The following IMMP2L variants were observed in gnomAD, a reference collection of about 807,000 sequenced individuals.
The protein encoded by IMMP2L is inner mitochondrial membrane peptidase subunit 2.
A neutral mutation model predicts 19.3 loss-of-function variants in IMMP2L; 18 were observed. The observed-to-expected ratio is 0.93, with a 90% CI of 0.64 to 1.38. IMMP2L has a LOEUF of 1.38. IMMP2L is among the 40% of genes most tolerant of loss of function. The pLI, the probability that IMMP2L is intolerant of heterozygous loss-of-function variation, is 0.00. For synonymous variants in IMMP2L, 76 were observed against 73.0 expected, an observed-to-expected ratio of 1.04 and a Z score of -0.21; for missense variants, 233 against 218.2, an observed-to-expected ratio of 1.07 and a Z score of -0.43.
intron 5 of IMMP2L, among the ~76,000 whole-genome samples, chr7:110,737,547 T>G (rs1026322970): frequency 4.6e-5 from 7 of 152,140 alleles, no homozygotes; most frequent in African/African-American, 1.7e-4. Flanking sequence ...AGCTCAGACA[T>G]GCCTGTCTCT....
chr7:110,850,736 G>C (rs1806128650), intron 5 of IMMP2L, among the ~76,000 whole-genome samples: 1 of 151,180 alleles, frequency 6.6e-6, no homozygotes, highest in South Asian at 2.1e-4. Flanking sequence ...ATACTCAAAA[G>C]TCAGGAACTA....
chr7:110,734,036 C>CA (rs1796453759), intron 5 of IMMP2L, among the ~76,000 whole-genome samples: 1 of 152,110 alleles, frequency 6.6e-6, no homozygotes, highest in Non-Finnish European at 1.5e-5. Flanking sequence ...CAAAAATTTG[C>CA]ACCAGAAATG....
At chr7:111,132,701 C>A (rs1179200708) in intron 3 of IMMP2L, among the ~76,000 whole-genome samples, 2 of 151,892 alleles carry the variant, frequency 1.3e-5, no homozygotes, top group African/African-American at 4.8e-5. Context: ...GTTTAGATGA[C>A]AGGGATTGCA....
chr7:111,067,353 C>T (rs1246768958), intron 3 of IMMP2L, among the ~76,000 whole-genome samples: 2 of 152,158 alleles, frequency 1.3e-5, no homozygotes, highest in African/African-American at 2.4e-5. Context: ...GGAAGCTGAC[C>T]TATATGGATG....
At chr7:110,769,943 T>A (rs1312460740) in intron 5 of IMMP2L, among the ~76,000 whole-genome samples, 1 of 152,100 alleles carries the variant, frequency 6.6e-6, no homozygotes, top group East Asian at 1.9e-4. Flanking sequence ...ACCAACGGGT[T>A]GACTATCCGA....
intron 3 of IMMP2L, among the ~76,000 whole-genome samples, chr7:111,321,396 C>T (rs1824697647): frequency 6.6e-6 from 1 of 151,898 alleles, no homozygotes; most frequent in African/African-American, 2.4e-5. Flanking sequence ...GAAAAATCTC[C>T]ATCCATTTTG....
intron 3 of IMMP2L, among the ~76,000 whole-genome samples, chr7:111,042,871 A>G (rs892761680): frequency 6.6e-6 from 1 of 152,198 alleles, no homozygotes; most frequent in African/African-American, 2.4e-5. Flanking sequence ...TAAGAAGGCT[A>G]TATGTCTTGA....
intron 3 of IMMP2L, among the ~76,000 whole-genome samples, chr7:111,382,736 C>G (rs1831324669): frequency 6.6e-6 from 1 of 151,996 alleles, no homozygotes; most frequent in African/African-American, 2.4e-5. Context: ...GATGGACAGG[C>G]AAACCTGAAC....
intron 4 of IMMP2L, among the ~76,000 whole-genome samples, chr7:110,953,516 G>A (rs534856390): frequency 6.6e-6 from 1 of 152,176 alleles, no homozygotes; most frequent in East Asian, 1.9e-4. Flanking sequence ...TTTTATGGCT[G>A]CATAGCATTC....
chr7:111,472,961 A>G (rs1841397490), intron 3 of IMMP2L, among the ~76,000 whole-genome samples: 1 of 152,128 alleles, frequency 6.6e-6, no homozygotes, highest in Non-Finnish European at 1.5e-5. Context: ...GAAAAAAGAA[A>G]AAAAATGCAA....
intron 3 of IMMP2L, among the ~76,000 whole-genome samples, chr7:110,998,114 A>G (rs1823237777): frequency 6.6e-6 from 1 of 152,132 alleles, no homozygotes; most frequent in Non-Finnish European, 1.5e-5. Context: ...TTCTCAGAAT[A>G]TCAGGATATC....
intron 1 of IMMP2L, among the ~76,000 whole-genome samples, chr7:111,530,781 A>AT (rs1285314362): frequency 6.6e-6 from 1 of 152,060 alleles, no homozygotes; most frequent in East Asian, 1.9e-4. Context: ...TATGTTTAAA[A>AT]TTTTTCCTCA....
intron 5 of IMMP2L, among the ~76,000 whole-genome samples, chr7:110,884,377 T>C (rs1161242097): frequency 1.3e-5 from 2 of 152,038 alleles, no homozygotes; most frequent in Non-Finnish European, 2.9e-5. Context: ...GTCTTTATGA[T>C]ATAATCCAGT....
At chr7:111,341,305 A>G (rs80003296) in intron 3 of IMMP2L, among the ~76,000 whole-genome samples, 4,894 of 152,196 alleles carry the variant, frequency 0.032, 261 homozygotes, top group African/African-American at 0.11. Context: ...AATATTTACT[A>G]TGAGCCACTG....
intron 3 of IMMP2L, among the ~76,000 whole-genome samples, chr7:111,468,747 G>A (rs1361349669): frequency 1.3e-5 from 2 of 152,068 alleles, no homozygotes; most frequent in South Asian, 2.1e-4. Context: ...CTTAGTAAAT[G>A]GAGAAAAGAA....
chr7:111,224,844 C>A (rs1304691119), intron 3 of IMMP2L, among the ~76,000 whole-genome samples: 1 of 152,142 alleles, frequency 6.6e-6, no homozygotes, highest in African/African-American at 2.4e-5. Flanking sequence ...GTACTCTTCA[C>A]TGCCATGCAC....
chr7:111,293,082 T>C (rs1165913892), intron 3 of IMMP2L, among the ~76,000 whole-genome samples: 1 of 151,948 alleles, frequency 6.6e-6, no homozygotes, highest in African/African-American at 2.4e-5. Context: ...AGCAATGGTG[T>C]ACACCTAAGA....
chr7:111,547,518 T>C (rs1849043709), intron 1 of IMMP2L, among the ~76,000 whole-genome samples: 1 of 128,850 alleles, frequency 7.8e-6, no homozygotes, highest in African/African-American at 2.9e-5. Flanking sequence ...CCCCCCCCCT[T>C]TTTATCCTGC....
At position 111,499,822 on chromosome 7, in the gene IMMP2L, G is replaced by A. The variant is rs139071198; in HGVS notation, c.136-12481C>T. On this transcript the variant is annotated intron_variant, in intron 2 of 5. Coordinates refer to ENST00000405709, the MANE Select transcript of IMMP2L (RefSeq NM_032549.4). ...GGGCTCTTTTTTAAAAAGGAGGCCC[G>A]GTGGAGCCAAGATGGCCAAATAGGA... 3.6e-3 allele frequency among the ~76,000 whole-genome samples: 548 copies of A among 152,252 alleles called. 2 individuals are homozygous for A. Among genetic ancestry groups the A allele is most frequent in the African/African-American group, 5.8e-3 (240 of 41,550 alleles).
Sources: gnomAD v4.1 joint callset for allele counts (sites outside exome capture counted in the v4.1 genomes callset) on GRCh38, gnomAD v4.1.1 for gene constraint, MANE v1.5 for transcripts, NCBI Gene and HGNC (gene_info 2026-07-23, HGNC 2026-07-21) for gene names.